The following MARCHF1 variants were observed in gnomAD, a reference collection of about 807,000 sequenced individuals.
The protein encoded by MARCHF1 is E3 ubiquitin-protein ligase MARCHF1.
A neutral mutation model predicts 54.2 loss-of-function variants in MARCHF1; 40 were observed. The ratio of observed to expected loss-of-function variants is 0.74; its 90% CI spans 0.57 to 0.96. MARCHF1 has a LOEUF of 0.96. Among genes scored for constraint, MARCHF1 ranks in the 40% least tolerant of loss-of-function variants. The pLI is 0.00. For missense variants in MARCHF1, 586 were observed against 656.5 expected (o/e 0.89, Z 1.17); for synonymous variants, 236 against 236.3 (o/e 1.00, Z 0.01).
At chr4:164,041,568 T>C (rs551409800) in intron 2 of MARCHF1, among the ~76,000 whole-genome samples, 2 of 152,188 alleles carry the variant, frequency 1.3e-5, no homozygotes, top group Non-Finnish European at 2.9e-5. Flanking sequence ...CAAAAACCAT[T>C]ATATTTTAGA....
intron 3 of MARCHF1, among the ~76,000 whole-genome samples, chr4:163,915,860 A>G (rs547647074): frequency 3.3e-5 from 5 of 152,294 alleles, no homozygotes; most frequent in African/African-American, 7.2e-5. Flanking sequence ...CTGAGACCTC[A>G]CTGTTTCCTA....
chr4:163,546,543 A>C (rs1738912940), intron 8 of MARCHF1, among the ~76,000 whole-genome samples: 1 of 152,232 alleles, frequency 6.6e-6, no homozygotes, highest in African/African-American at 2.4e-5. Context: ...GAATGTATAA[A>C]TTTAATAAGT....
intron 1 of MARCHF1, among the ~76,000 whole-genome samples, chr4:164,371,388 A>T (rs1731033928): frequency 6.6e-6 from 1 of 152,234 alleles, no homozygotes; most frequent in Admixed American, 6.5e-5. Context: ...AAAGGAAAAG[A>T]ATGATAAAAC....
intron 1 of MARCHF1, among the ~76,000 whole-genome samples, chr4:164,145,658 G>A (rs1729666538): frequency 6.6e-6 from 1 of 152,022 alleles, no homozygotes. Context: ...ATTAGGTATT[G>A]ATGGGACATA....
At chr4:163,696,683 C>T (rs549506790) in intron 5 of MARCHF1, among the ~76,000 whole-genome samples, 1 of 152,250 alleles carries the variant, frequency 6.6e-6, no homozygotes, top group South Asian at 2.1e-4. Context: ...TCCTTATGAT[C>T]TATGTTTTCT....
intron 1 of MARCHF1, among the ~76,000 whole-genome samples, chr4:164,134,631 TG>T (rs1314476413): frequency 3.3e-5 from 5 of 152,202 alleles, no homozygotes; most frequent in African/African-American, 7.2e-5. Context: ...CAATATACTC[TG>T]GAAATAAACT....
intron 3 of MARCHF1, among the ~76,000 whole-genome samples, chr4:163,929,936 T>TA (rs1751621008): frequency 2.3e-5 from 1 of 43,492 alleles, no homozygotes; most frequent in Admixed American, 4.4e-4. Flanking sequence ...TAATATATTA[T>TA]ATATTTATAT....
chr4:164,293,008 A>C (rs2111372015), intron 1 of MARCHF1, among the ~76,000 whole-genome samples: 1 of 152,236 alleles, frequency 6.6e-6, no homozygotes, highest in South Asian at 2.1e-4. Context: ...AACAACACCC[A>C]TGAAAGTCAC....
At chr4:163,601,783 T>C (rs1269335418) in intron 7 of MARCHF1, among the ~76,000 whole-genome samples, 1 of 152,066 alleles carries the variant, frequency 6.6e-6, no homozygotes, top group African/African-American at 2.4e-5. Context: ...ATGTCTGTTT[T>C]TCTTTGTTTC....
chr4:164,016,225 T>C (rs1299047694), intron 2 of MARCHF1, among the ~76,000 whole-genome samples: 1 of 152,168 alleles, frequency 6.6e-6, no homozygotes, highest in Non-Finnish European at 1.5e-5. Context: ...CTTACAATTA[T>C]GGCAGAAAGG....
intron 4 of MARCHF1, among the ~76,000 whole-genome samples, chr4:163,845,917 G>T (rs560013248): frequency 2.0e-5 from 3 of 152,000 alleles, no homozygotes; most frequent in African/African-American, 4.8e-5. Flanking sequence ...TCTCCCCTTC[G>T]CATTCTTCAA....
intron 1 of MARCHF1, among the ~76,000 whole-genome samples, chr4:164,315,538 T>C (rs1466456933): frequency 7.9e-5 from 12 of 152,198 alleles, no homozygotes. Context: ...CACTGTCAGA[T>C]GGAAGCAAGA....
At chr4:164,237,684 T>C (rs1732603658) in intron 1 of MARCHF1, among the ~76,000 whole-genome samples, 1 of 152,038 alleles carries the variant, frequency 6.6e-6, no homozygotes, top group African/African-American at 2.4e-5. Flanking sequence ...GCTCAGAAAG[T>C]GCTTCTTTCT....
At chr4:163,562,436 G>A (rs976794004) in intron 8 of MARCHF1, among the ~76,000 whole-genome samples, 1 of 152,086 alleles carries the variant, frequency 6.6e-6, no homozygotes, top group African/African-American at 2.4e-5. Context: ...GACTATTCCC[G>A]TGTTTTTTAT....
intron 2 of MARCHF1, among the ~76,000 whole-genome samples, chr4:164,001,878 A>G (rs112696080): frequency 0.011 from 1,743 of 151,998 alleles, 34 homozygotes; most frequent in African/African-American, 0.039. Flanking sequence ...CTCCACAAAT[A>G]AGGAAAAAAA....
chr4:164,217,810 T>G (rs1356878653), intron 1 of MARCHF1, among the ~76,000 whole-genome samples: 1 of 152,196 alleles, frequency 6.6e-6, no homozygotes, highest in East Asian at 1.9e-4. Flanking sequence ...CTGTTCTTTT[T>G]GCCTATATGG....
At chr4:163,798,590 T>C (rs1747988601) in intron 4 of MARCHF1, among the ~76,000 whole-genome samples, 1 of 152,130 alleles carries the variant, frequency 6.6e-6, no homozygotes, top group South Asian at 2.1e-4. Flanking sequence ...AAGTCATAGT[T>C]ACACTCAAGA....
At chr4:163,764,079 T>C (rs1331174084) in intron 4 of MARCHF1, among the ~76,000 whole-genome samples, 5 of 152,078 alleles carry the variant, frequency 3.3e-5, no homozygotes, top group Admixed American at 6.6e-5. Context: ...TCTAGACTAA[T>C]TGACTTTCTT....
At chr4:164,069,034 C>T (rs1367604378) in intron 2 of MARCHF1, among the ~76,000 whole-genome samples, 1 of 152,162 alleles carries the variant, frequency 6.6e-6, no homozygotes, top group Non-Finnish European at 1.5e-5. Flanking sequence ...TGTGAATGCA[C>T]CAACCGGCAC....
Sources: gnomAD v4.1 joint callset for allele counts (sites outside exome capture counted in the v4.1 genomes callset) on GRCh38, gnomAD v4.1.1 for gene constraint, MANE v1.5 for transcripts, NCBI Gene and HGNC (gene_info 2026-07-23, HGNC 2026-07-21) for gene names.